The following NHSL1 variants were observed in gnomAD, a reference collection of about 807,000 sequenced individuals.
NHSL1 encodes the protein NHS-like protein 1.
NHSL1 carries 48 observed loss-of-function variants against 95.0 expected under a neutral mutation model. The observed-to-expected ratio is 0.51, with a 90% CI of 0.40 to 0.64. The LOEUF (loss-of-function observed/expected upper bound fraction) is 0.64. NHSL1 is among the 30% of genes least tolerant of loss of function. The probability of loss-of-function intolerance (pLI) is 0.00; values close to 1 mark genes in which losing one functional copy is unlikely to be tolerated. For missense variants in NHSL1, 1,971 were observed against 2,077.7 expected (o/e 0.95, Z 1.00); for synonymous variants, 783 against 833.9 (o/e 0.94, Z 1.05).
At chr6:138,580,825 T>G (rs922962571) in intron 1 of NHSL1, among the ~76,000 whole-genome samples, 1 of 152,226 alleles carries the variant, frequency 6.6e-6, no homozygotes, top group African/African-American at 2.4e-5. Context: ...ATAGGTATGA[T>G]TCAGTTAAGG....
In NHSL1 at chr6:138,430,475, G is replaced by A; in HGVS notation, c.3870C>T (p.Ala1290=). The A allele has an allele frequency of 1.9e-6, 3 of 1,550,750 alleles. No individual in the cohort carries two copies. The highest frequency in any genetic ancestry group is 2.6e-6 in the Non-Finnish European group (3 of 1,146,386). The change falls in exon 6 of 8, where the codon GCC becomes GCT. Residue 1290 remains alanine, a synonymous_variant. Coordinates refer to ENST00000343505, the MANE Select transcript of NHSL1 (RefSeq NM_001144060.2). This position sits in a 1 kb window ranked among gnomAD's most constrained non-coding sequence, Gnocchi z 4.7. ...VPMVQPDVSP[A]PKQEEPAENS... ...TCTCGGCTGGCTCCTCCTGCTTGGG[G>A]GCTGGTGAGACATCAGGCTGAACCA... is the stretch of plus-strand genomic sequence containing the variant.
upstream of NHSL1, among the ~76,000 whole-genome samples, chr6:138,576,572 G>A (rs538521092): frequency 5.5e-4 from 84 of 152,274 alleles, 2 homozygotes; most frequent in African/African-American, 2.0e-3. Context: ...TGCCACTGCT[G>A]AGCTTCAGGC....
intron 1 of NHSL1, among the ~76,000 whole-genome samples, chr6:138,675,544 T>C (rs1218989321): frequency 6.6e-6 from 1 of 151,734 alleles, no homozygotes; most frequent in Non-Finnish European, 1.5e-5. Context: ...TATTTATTTA[T>C]TTATTTTTGA....
At chr6:138,511,330 G>A (rs1002367093) in intron 1 of NHSL1, among the ~76,000 whole-genome samples, 3 of 152,014 alleles carry the variant, frequency 2.0e-5, no homozygotes, top group Admixed American at 6.6e-5. Context: ...TCATAATTTG[G>A]CCCAAAGTTT....
intron 1 of NHSL1, among the ~76,000 whole-genome samples, chr6:138,671,450 CAA>C (rs549060407): frequency 6.2e-4 from 66 of 106,102 alleles, no homozygotes; most frequent in Non-Finnish European, 4.5e-4. Context: ...AATCTGTCTC[CAA>C]AAAAAAAAAA....
intron 1 of NHSL1, among the ~76,000 whole-genome samples, chr6:138,507,506 T>G (rs934678345): frequency 2.6e-5 from 4 of 152,182 alleles, no homozygotes; most frequent in Admixed American, 2.6e-4. Context: ...TAAAGTCTTT[T>G]ACAGATAAGT....
intron 1 of NHSL1, among the ~76,000 whole-genome samples, chr6:138,566,597 C>A (rs946694029): frequency 9.0e-4 from 134 of 149,286 alleles, no homozygotes; most frequent in Admixed American, 8.6e-3. Context: ...TAAAAAAAAA[C>A]CATATTTTTC....
chr6:138,604,665 G>A (rs538788974), intron 1 of NHSL1, among the ~76,000 whole-genome samples: 8 of 152,168 alleles, frequency 5.3e-5, no homozygotes, highest in African/African-American at 1.2e-4. Flanking sequence ...TCACACTGTC[G>A]CCCAGGCTGG....
At chr6:138,658,032 T>C (rs2114725566) in intron 1 of NHSL1, among the ~76,000 whole-genome samples, 1 of 152,192 alleles carries the variant, frequency 6.6e-6, no homozygotes, top group Non-Finnish European at 1.5e-5. Context: ...CAGAAATCTT[T>C]TGCTATCTAC....
intron 1 of NHSL1, among the ~76,000 whole-genome samples, chr6:138,555,126 G>T (rs149887967): frequency 1.4e-4 from 22 of 152,160 alleles, no homozygotes; most frequent in Middle Eastern, 3.4e-3. Flanking sequence ...AGCACGGTGC[G>T]GCCCACAAAA....
At chr6:138,615,431 C>CT (rs1016248500) in intron 1 of NHSL1, among the ~76,000 whole-genome samples, 1 of 152,168 alleles carries the variant, frequency 6.6e-6, no homozygotes, top group East Asian at 1.9e-4. Flanking sequence ...TAGGAAACAC[C>CT]TTTTTTATAT....
At chr6:138,657,814 CAAA>C (rs1051789759) in intron 1 of NHSL1, among the ~76,000 whole-genome samples, 3 of 33,034 alleles carry the variant, frequency 9.1e-5, no homozygotes, top group African/African-American at 3.2e-4. Flanking sequence ...GACTCCATCT[CAAA>C]AAAAAAAAAA....
intron 1 of NHSL1, among the ~76,000 whole-genome samples, chr6:138,591,529 ACCTCAG>A (rs1263932502): frequency 6.6e-6 from 1 of 151,978 alleles, no homozygotes; most frequent in Non-Finnish European, 1.5e-5. Flanking sequence ...CAATCCTCCC[ACCTCAG>A]CCTCTTGAGT....
In NHSL1 at chr6:138,530,989, A is replaced by G. The variant is rs141922854; in HGVS notation, c.16+14634T>C. Among the ~76,000 whole-genome samples the G allele has an allele frequency of 3.6e-3, 542 of 152,254 alleles. 5 individuals are homozygous for G. Among genetic ancestry groups the G allele is most frequent in the African/African-American group, 0.012 (507 of 41,546 alleles). ...AAATTTAAAATATTTTTTTTTTAAA[A>G]AAAAGGCCACAGTTTTCTCCTCTCT... On this transcript the variant is annotated intron_variant, in intron 1 of 4. Transcript: ENST00000342260.
chr6:138,576,709 C>T (rs115551613), upstream of NHSL1, among the ~76,000 whole-genome samples: 1 of 152,206 alleles, frequency 6.6e-6, no homozygotes, highest in Admixed American at 6.5e-5. Flanking sequence ...CAGCACCCCC[C>T]TCCTTCACCA....
At chr6:138,450,624 G>A (rs948788303) in intron 3 of NHSL1, among the ~76,000 whole-genome samples, 2 of 152,148 alleles carry the variant, frequency 1.3e-5, no homozygotes, top group Non-Finnish European at 2.9e-5. Flanking sequence ...GCACTTCCCC[G>A]TAGGGACAAT....
intron 2 of NHSL1, among the ~76,000 whole-genome samples, chr6:138,493,051 A>G (rs80166913): frequency 0.038 from 5,723 of 152,180 alleles, 356 homozygotes; most frequent in African/African-American, 0.13. Flanking sequence ...TGTTGTGTTT[A>G]TTTCAGGTTG....
chr6:138,425,021 G>C (rs1775169294), intron 7 of NHSL1, among the ~76,000 whole-genome samples: 1 of 151,918 alleles, frequency 6.6e-6, no homozygotes, highest in Non-Finnish European at 1.5e-5. Context: ...CTTGAGCTTA[G>C]GAGTTCGAGA....
intron 1 of NHSL1, among the ~76,000 whole-genome samples, chr6:138,592,975 T>C (rs983639236): frequency 1.3e-5 from 2 of 152,224 alleles, no homozygotes; most frequent in South Asian, 2.1e-4. Context: ...TTTTCTGTTA[T>C]GGACTTTCCT....
Sources: allele counts gnomAD v4.1 joint callset (sites outside exome capture counted in the v4.1 genomes callset), GRCh38; gene constraint gnomAD v4.1.1; non-coding constraint Gnocchi (gnomAD v3.1); transcripts MANE v1.5; gene names NCBI Gene and HGNC (gene_info 2026-07-23, HGNC 2026-07-21).